MITF: variants seen among roughly 807,000 people sequenced by gnomAD.
The protein encoded by MITF is melanocyte inducing transcription factor, also known as microphthalmia-associated transcription factor.
A neutral mutation model predicts 60.5 loss-of-function variants in MITF; 17 were observed. That is an observed-to-expected ratio of 0.28 (90% CI 0.19 to 0.42). The LOEUF (loss-of-function observed/expected upper bound fraction) is 0.42, where lower values mean the gene tolerates loss of function less well. MITF is among the 10% of genes least tolerant of loss of function. The pLI, the probability that MITF is intolerant of heterozygous loss-of-function variation, is 1.00. For synonymous variants in MITF, 260 were observed against 248.5 expected (o/e 1.05, Z -0.43); for missense variants, 622 against 683.5 (o/e 0.91, Z 1.00).
At chr3:69,752,457 T>A (rs1465751143) in intron 1 of MITF, 1 of 152,178 alleles carries the variant, frequency 6.6e-6, no homozygotes. Flanking sequence ...CACTGGGAAC[T>A]GGAATAAAGG....
At chr3:69,942,756 A>G (rs1048189386) in intron 5 of MITF, among the ~76,000 whole-genome samples, 1 of 152,120 alleles carries the variant, frequency 6.6e-6, no homozygotes, top group Non-Finnish European at 1.5e-5. Flanking sequence ...ACACTTATCT[A>G]GCACTCAGAA....
intron 1 of MITF, among the ~76,000 whole-genome samples, chr3:69,805,086 C>A (rs1041467979): frequency 3.0e-4 from 46 of 152,048 alleles, no homozygotes; most frequent in African/African-American, 1.1e-3. Flanking sequence ...AAACAAGAAC[C>A]AAGTCTACAA....
intron 1 of MITF, among the ~76,000 whole-genome samples, chr3:69,841,781 G>A (rs927234173): frequency 1.3e-5 from 2 of 152,142 alleles, no homozygotes; most frequent in Admixed American, 6.6e-5. Context: ...CAATTTTAAA[G>A]CCAAGCTAAA....
At chr3:69,900,610 G>A (rs937483674) in intron 2 of MITF, among the ~76,000 whole-genome samples, 2 of 152,148 alleles carry the variant, frequency 1.3e-5, no homozygotes, top group African/African-American at 4.8e-5. Flanking sequence ...GGGTAAAAAG[G>A]GGGAGGCAGA....
chr3:69,922,108 C>G (rs537182025), intron 2 of MITF, among the ~76,000 whole-genome samples: 1 of 152,350 alleles, frequency 6.6e-6, no homozygotes, highest in South Asian at 2.1e-4. Flanking sequence ...TTTCCCCCAC[C>G]TAACCCTTGG....
chr3:69,757,445 G>T (rs1704193045), intron 1 of MITF, among the ~76,000 whole-genome samples: 1 of 152,172 alleles, frequency 6.6e-6, no homozygotes, highest in Admixed American at 6.5e-5. Context: ...TGACATAGAA[G>T]TAGGTGCTTT....
intron 2 of MITF, 142 bp from the exon 3 acceptor site, chr3:69,937,680 C>A: frequency 1.3e-6 from 1 of 743,388 alleles, no homozygotes; most frequent in Non-Finnish European, 2.4e-6. Context: ...AATCCGTTAG[C>A]ACAGTGCCTG....
intron 1 of MITF, among the ~76,000 whole-genome samples, chr3:69,754,013 G>A (rs568853236): frequency 6.6e-6 from 1 of 152,280 alleles, no homozygotes; most frequent in Admixed American, 6.5e-5. Context: ...GGGACCAGGG[G>A]TAGAATGATA....
intron 3 of MITF, 149 bp from the exon 4 acceptor site, chr3:69,938,949 T>C: frequency 6.6e-7 from 1 of 1,520,810 alleles, no homozygotes; most frequent in South Asian, 1.3e-5. Flanking sequence ...CACAAGTTCT[T>C]CCTTCATTAT....
chr3:69,855,335 A>G (rs2063899481), intron 1 of MITF, among the ~76,000 whole-genome samples: 2 of 151,788 alleles, frequency 1.3e-5, no homozygotes, highest in South Asian at 2.1e-4. Context: ...AAAAATCTAT[A>G]ATAATAAATA....
chr3:69,816,700 G>T (rs2063187355), intron 1 of MITF, among the ~76,000 whole-genome samples: 3 of 152,148 alleles, frequency 2.0e-5, no homozygotes, highest in Admixed American at 1.3e-4. Context: ...AATGGGCATG[G>T]TAGTACCTAA....
chr3:69,776,067 C>A (rs1017922277), intron 1 of MITF, among the ~76,000 whole-genome samples: 6 of 152,196 alleles, frequency 3.9e-5, no homozygotes, highest in African/African-American at 1.4e-4. Context: ...GGTGGAAAAT[C>A]TGATGCATGC....
At chr3:69,941,201 T>C in intron 4 of MITF, 35 bp from the exon 5 acceptor site, 1 of 1,409,744 alleles carries the variant, frequency 7.1e-7, no homozygotes. Context: ...AGTTTATTTA[T>C]TTTTGTCTCT....
intron 1 of MITF, among the ~76,000 whole-genome samples, chr3:69,802,265 G>C (rs1191099074): frequency 1.3e-5 from 2 of 152,148 alleles, no homozygotes; most frequent in African/African-American, 4.8e-5. Flanking sequence ...GGAATGCATA[G>C]GACAGCCTCT....
At chr3:69,790,911 A>C (rs558268072) in intron 1 of MITF, among the ~76,000 whole-genome samples, 8 of 152,318 alleles carry the variant, frequency 5.3e-5, no homozygotes, top group African/African-American at 1.7e-4. Context: ...TTGTAGGTTT[A>C]AGATATTAAA....
intron 1 of MITF, among the ~76,000 whole-genome samples, chr3:69,773,571 C>T (rs2062425967): frequency 1.3e-5 from 2 of 152,132 alleles, no homozygotes; most frequent in African/African-American, 4.8e-5. Context: ...TTTTCATGAC[C>T]TTCCAGGTTT....
chr3:69,771,734 A>G (rs920323101), intron 1 of MITF, among the ~76,000 whole-genome samples: 15 of 152,306 alleles, frequency 9.8e-5, no homozygotes, highest in African/African-American at 3.4e-4. Flanking sequence ...CCATTTAAAA[A>G]TGGCACCAGC....
intron 1 of MITF, among the ~76,000 whole-genome samples, chr3:69,749,053 A>G (rs1703832240): frequency 6.6e-6 from 1 of 152,160 alleles, no homozygotes; most frequent in Non-Finnish European, 1.5e-5. Flanking sequence ...TTTATTTTTT[A>G]CAGTTGGAGA....
rs188242962 is a variant in MITF, at chr3:69,957,720, A to G, written c.1031+1190A>G. ...GTAGCATGTGAATCTCTTTAGCAAC[A>G]TATTATGAAATTATGGGGCTGCAGT... On this transcript the variant is annotated intron_variant, in intron 8 of 9. Coordinates refer to ENST00000352241, the MANE Select transcript of MITF (RefSeq NM_001354604.2). Among the ~76,000 whole-genome samples, 481 of 152,330 alleles carry G rather than the reference A, an allele frequency of 3.2e-3. 1 individual carries two copies. The highest frequency in any genetic ancestry group is 5.3e-3 in the Non-Finnish European group (362 of 68,026).
Sources: allele counts gnomAD v4.1 joint callset (sites outside exome capture counted in the v4.1 genomes callset), GRCh38; gene constraint gnomAD v4.1.1; transcripts MANE v1.5; gene names NCBI Gene and HGNC (gene_info 2026-07-23, HGNC 2026-07-21).